STARD13: variants seen among roughly 807,000 people sequenced by gnomAD.
STARD13 encodes the protein stAR-related lipid transfer protein 13.
A neutral mutation model predicts 106.4 loss-of-function variants in STARD13; 62 were observed. The observed-to-expected ratio is 0.58, with a 90% confidence interval of 0.48 to 0.72. The LOEUF is 0.72. Among genes scored for constraint, STARD13 ranks in the 30% least tolerant of loss-of-function variants. The pLI is 0.00. For synonymous variants in STARD13, 565 were observed against 553.0 expected, an observed-to-expected ratio of 1.02 and a Z score of -0.31; for missense variants, 1,387 against 1,424.0, an observed-to-expected ratio of 0.97 and a Z score of 0.42.
the STARD13 span, among the ~76,000 whole-genome samples, chr13:33,454,087 G>A: frequency 6.6e-6 from 1 of 152,194 alleles, no homozygotes. Context: ...AGAATGCACT[G>A]TTCAGATATT....
chr13:33,374,397 G>C, the STARD13 span, among the ~76,000 whole-genome samples: 1 of 152,074 alleles, frequency 6.6e-6, no homozygotes, highest in Middle Eastern at 3.2e-3. Flanking sequence ...TAATGCCAAA[G>C]AACTATATAC....
chr13:33,136,108 G>A lies in STARD13; in HGVS notation c.388-5819C>T, dbSNP rs547154387. On this transcript the variant is annotated intron_variant, in intron 4 of 13. Transcript: ENST00000336934. Reference sequence around the variant, plus strand: ...TGCACTGTAGCCTGGGTGATGAAGTGAGACTCTACCTCAAAAAAAAAAAAT... The same window carrying A: ...TGCACTGTAGCCTGGGTGATGAAGTAAGACTCTACCTCAAAAAAAAAAAAT... 2.0e-5 allele frequency among the ~76,000 whole-genome samples: 3 copies of A among 148,398 alleles called. No homozygotes were observed. In the East Asian group the frequency reaches 5.9e-4, roughly 29 times the overall value.
At chr13:33,154,241 C>T (rs961253943) in intron 3 of STARD13, among the ~76,000 whole-genome samples, 1 of 152,162 alleles carries the variant, frequency 6.6e-6, no homozygotes, top group African/African-American at 2.4e-5. Flanking sequence ...TGTCACCGTG[C>T]CACTACGCAG....
At chr13:33,358,229 C>T in the STARD13 span, among the ~76,000 whole-genome samples, 3 of 152,198 alleles carry the variant, frequency 2.0e-5, no homozygotes, top group Admixed American at 2.0e-4. Flanking sequence ...GGGCAGGGCT[C>T]GGGACATGCA....
At chr13:33,205,682 T>C (rs1440519616) in intron 1 of STARD13, 1 of 190,300 alleles carries the variant, frequency 5.3e-6, no homozygotes, top group Non-Finnish European at 9.7e-6. Flanking sequence ...CAAGTTCTTG[T>C]TAAGAGAATG....
chr13:33,193,283 T>C (rs1886381355), intron 1 of STARD13, among the ~76,000 whole-genome samples: 1 of 152,046 alleles, frequency 6.6e-6, no homozygotes, highest in Non-Finnish European at 1.5e-5. Flanking sequence ...AAAATGAAAG[T>C]TGTTAGTGAT....
At chr13:33,635,193 G>A in the STARD13 span, among the ~76,000 whole-genome samples, 1 of 152,164 alleles carries the variant, frequency 6.6e-6, no homozygotes, top group Non-Finnish European at 1.5e-5. Flanking sequence ...TCCACTTCAT[G>A]TACAGGATGT....
At chr13:33,544,297 C>T in the STARD13 span, among the ~76,000 whole-genome samples, 30 of 152,284 alleles carry the variant, frequency 2.0e-4, no homozygotes, top group South Asian at 5.8e-3. Context: ...GTACACAGTG[C>T]TTACATTATA....
intron 1 of STARD13, among the ~76,000 whole-genome samples, chr13:33,313,019 TGAA>T (rs1251806400): frequency 6.6e-6 from 1 of 152,262 alleles, no homozygotes; most frequent in Non-Finnish European, 1.5e-5. Context: ...ACTGAAGTTC[TGAA>T]TCCAAGCCCA....
Position 33,141,872 on chromosome 13 carries a change from C to T in STARD13, c.387+438G>A, listed in dbSNP as rs368195083. On this transcript the variant is annotated intron_variant, in intron 4 of 13. Transcript: ENST00000336934. ...AGCACCGAGATATTTTACATCTTTA[C>T]GCAAACCCTCTAATAAAAAAAGAAA... is the stretch of plus-strand genomic sequence containing the variant. Among the ~76,000 whole-genome samples the T allele has an allele frequency of 4.5e-3, 688 of 152,006 alleles. 6 individuals carry two copies. The highest frequency in any genetic ancestry group is 0.015 in the African/African-American group (631 of 41,476).
intron 8 of STARD13, among the ~76,000 whole-genome samples, chr13:33,117,377 C>G (rs942314973): frequency 6.6e-6 from 1 of 152,226 alleles, no homozygotes; most frequent in South Asian, 2.1e-4. Context: ...TCCCAAAGTG[C>G]TGGGATTACA....
At chr13:33,326,933 T>G (rs1253174739) in intron 1 of STARD13, among the ~76,000 whole-genome samples, 1 of 152,244 alleles carries the variant, frequency 6.6e-6, no homozygotes, top group African/African-American at 2.4e-5. Flanking sequence ...GCCACGTGAC[T>G]TTGTTCAAGT....
the STARD13 span, among the ~76,000 whole-genome samples, chr13:33,447,228 C>T: frequency 3.9e-5 from 6 of 152,316 alleles, no homozygotes; most frequent in African/African-American, 1.2e-4. Context: ...GACCTAAAAA[C>T]GTCCGTCTCT....
chr13:33,157,241 T>C (rs1449028833), intron 3 of STARD13, among the ~76,000 whole-genome samples: 2 of 152,330 alleles, frequency 1.3e-5, no homozygotes, highest in African/African-American at 4.8e-5. Context: ...ATACGTATAC[T>C]GTATAATCCT....
At chr13:33,422,814 T>C in the STARD13 span, among the ~76,000 whole-genome samples, 23,747 of 152,142 alleles carry the variant, frequency 0.16, 4,439 homozygotes, top group African/African-American at 0.44. Flanking sequence ...ATCTGATCTT[T>C]GACAAACCTG....
At chr13:33,548,228 T>G in the STARD13 span, among the ~76,000 whole-genome samples, 3 of 152,190 alleles carry the variant, frequency 2.0e-5, no homozygotes, top group East Asian at 3.9e-4. Context: ...GGAAGTGATT[T>G]TTTTTGGAGG....
intron 8 of STARD13, among the ~76,000 whole-genome samples, chr13:33,115,792 G>T (rs1875285383): frequency 6.6e-6 from 1 of 152,064 alleles, no homozygotes; most frequent in African/African-American, 2.4e-5. Context: ...AGAGAAGCGT[G>T]GTCACTCTCT....
At chr13:33,111,008 C>T (rs547720004) in intron 10 of STARD13, 101 bp from the exon 11 acceptor site, 92 of 1,034,530 alleles carry the variant, frequency 8.9e-5, no homozygotes, top group East Asian at 6.4e-4. Flanking sequence ...CTCTGAGCCA[C>T]GGGCCGAGGG....
chr13:33,170,815 T>G (rs979079397), intron 1 of STARD13, among the ~76,000 whole-genome samples: 3 of 152,146 alleles, frequency 2.0e-5, no homozygotes, highest in African/African-American at 7.2e-5. Context: ...AAGCCAACTC[T>G]CATTTACCAG....
Sources: gnomAD v4.1 joint callset for allele counts (sites outside exome capture counted in the v4.1 genomes callset) on GRCh38, gnomAD v4.1.1 for gene constraint, MANE v1.5 for transcripts, NCBI Gene and HGNC (gene_info 2026-07-23, HGNC 2026-07-21) for gene names.